The following NPAS3 variants were observed in gnomAD, a reference collection of about 807,000 sequenced individuals.
NPAS3 encodes the protein neuronal PAS domain-containing protein 3.
In NPAS3, 14 loss-of-function variants were observed where a neutral mutation model predicts 73.1. The ratio of observed to expected loss-of-function variants is 0.19; its 90% CI spans 0.13 to 0.30. The LOEUF is 0.30. NPAS3 is among the 10% of genes least tolerant of loss of function. The pLI, the probability that NPAS3 is intolerant of heterozygous loss-of-function variation, is 1.00. For missense variants in NPAS3, 1,096 were observed against 1,250.0 expected, an observed-to-expected ratio of 0.88 and a Z score of 1.86; for synonymous variants, 620 against 541.5, an observed-to-expected ratio of 1.14 and a Z score of -2.01.
At chr14:33,293,409 G>A (rs1225139816) in intron 3 of NPAS3, among the ~76,000 whole-genome samples, 3 of 152,258 alleles carry the variant, frequency 2.0e-5, no homozygotes, top group Non-Finnish European at 4.4e-5. Flanking sequence ...AGGATAAAAA[G>A]TGTTGATAGA....
intron 4 of NPAS3, among the ~76,000 whole-genome samples, chr14:33,528,026 A>G (rs1252194585): frequency 1.3e-5 from 2 of 152,202 alleles, no homozygotes; most frequent in East Asian, 3.9e-4. Flanking sequence ...TAAACCATAT[A>G]TTAATTTCTG....
intron 3 of NPAS3, among the ~76,000 whole-genome samples, chr14:33,301,334 T>TA (rs1594638089): frequency 1.3e-5 from 1 of 75,100 alleles, no homozygotes. Context: ...TTTTTTTTTT[T>TA]AAATCTAGCT....
intron 3 of NPAS3, among the ~76,000 whole-genome samples, chr14:33,306,451 T>C (rs1020383664): frequency 6.6e-6 from 1 of 152,220 alleles, no homozygotes; most frequent in African/African-American, 2.4e-5. Context: ...AAAATCATAT[T>C]TCTGATAGTC....
At chr14:33,036,679 T>C (rs1309480844) in intron 1 of NPAS3, among the ~76,000 whole-genome samples, 1 of 152,164 alleles carries the variant, frequency 6.6e-6, no homozygotes, top group African/African-American at 2.4e-5. Context: ...TTAGTCGTCA[T>C]ATAGTATGGA....
chr14:33,181,352 A>G (rs545686921), intron 2 of NPAS3, among the ~76,000 whole-genome samples: 1 of 152,180 alleles, frequency 6.6e-6, no homozygotes, highest in Non-Finnish European at 1.5e-5. Context: ...TTGTGCACTA[A>G]AAGAAGAAAG....
intron 6 of NPAS3, among the ~76,000 whole-genome samples, chr14:33,703,092 G>C (rs1049384078): frequency 6.6e-6 from 1 of 152,176 alleles, no homozygotes; most frequent in African/African-American, 2.4e-5. Flanking sequence ...GAGGTGGGGT[G>C]GGGGAAGAGG....
intron 2 of NPAS3, among the ~76,000 whole-genome samples, chr14:33,117,652 C>T (rs2139012899): frequency 6.6e-6 from 1 of 152,194 alleles, no homozygotes; most frequent in Non-Finnish European, 1.5e-5. Flanking sequence ...TGTAAAAGGC[C>T]ATACATTTCT....
At chr14:33,497,677 C>T (rs558069598) in intron 4 of NPAS3, among the ~76,000 whole-genome samples, 11 of 152,124 alleles carry the variant, frequency 7.2e-5, no homozygotes, top group Non-Finnish European at 1.5e-4. Context: ...CCCTTCCTTA[C>T]ACTTTATACA....
chr14:33,305,976 G>A (rs2042738749), intron 3 of NPAS3, among the ~76,000 whole-genome samples: 1 of 152,168 alleles, frequency 6.6e-6, no homozygotes. Context: ...TAGGAGTAGG[G>A]TAGGAAAGTG....
At chr14:33,446,054 C>T (rs990103029) in intron 4 of NPAS3, among the ~76,000 whole-genome samples, 4 of 151,164 alleles carry the variant, frequency 2.6e-5, no homozygotes, top group Admixed American at 2.6e-4. Context: ...AGCTTCAATT[C>T]TCTAATCTTC....
intron 2 of NPAS3, among the ~76,000 whole-genome samples, chr14:33,148,265 C>T (rs2044318837): frequency 6.6e-6 from 1 of 152,116 alleles, no homozygotes; most frequent in Admixed American, 6.5e-5. Context: ...TATCTCATTT[C>T]TGTTGCTTAG....
At chr14:33,657,875 G>GA (rs891020956) in intron 5 of NPAS3, among the ~76,000 whole-genome samples, 1 of 152,204 alleles carries the variant, frequency 6.6e-6, no homozygotes, top group Non-Finnish European at 1.5e-5. Context: ...CTAGGTGAGG[G>GA]ATGTCAAATT....
At chr14:33,307,548 T>G (rs1038631706) in intron 3 of NPAS3, among the ~76,000 whole-genome samples, 14 of 146,746 alleles carry the variant, frequency 9.5e-5, no homozygotes, top group Non-Finnish European at 1.8e-4. Context: ...CCTAAAACTC[T>G]TCCTGCCAAC....
chr14:33,468,701 A>G (rs538595174), intron 4 of NPAS3, among the ~76,000 whole-genome samples: 24 of 152,298 alleles, frequency 1.6e-4, no homozygotes, highest in Non-Finnish European at 3.2e-4. Flanking sequence ...CCTTATTACA[A>G]GAGTGGTCAT....
At chr14:33,607,003 C>A (rs2057589665) in intron 5 of NPAS3, among the ~76,000 whole-genome samples, 1 of 152,148 alleles carries the variant, frequency 6.6e-6, no homozygotes, top group South Asian at 2.1e-4. Context: ...TAGGGAAATG[C>A]AGATTAAAAC....
intron 4 of NPAS3, among the ~76,000 whole-genome samples, chr14:33,549,300 C>T (rs2054996998): frequency 6.6e-6 from 1 of 152,118 alleles, no homozygotes; most frequent in South Asian, 2.1e-4. Context: ...GGCACAATCT[C>T]GGCTCACTGC....
intron 3 of NPAS3, among the ~76,000 whole-genome samples, chr14:33,308,208 C>G (rs1385498266): frequency 6.6e-6 from 1 of 152,024 alleles, no homozygotes; most frequent in East Asian, 1.9e-4. Context: ...CAGGGAAATC[C>G]TTTTCAACAA....
At chr14:33,281,797 T>C (rs541189591) in intron 3 of NPAS3, among the ~76,000 whole-genome samples, 2 of 152,164 alleles carry the variant, frequency 1.3e-5, no homozygotes, top group Non-Finnish European at 2.9e-5. Context: ...TTAAAACTTC[T>C]CTGGCTTGAA....
intron 5 of NPAS3, among the ~76,000 whole-genome samples, chr14:33,571,770 A>G (rs1331620950): frequency 2.6e-5 from 4 of 152,248 alleles, no homozygotes; most frequent in African/African-American, 9.6e-5. Flanking sequence ...ATATTTTGAA[A>G]TTAGTTTCCC....
Sources: allele counts gnomAD v4.1 joint callset (sites outside exome capture counted in the v4.1 genomes callset), GRCh38; gene constraint gnomAD v4.1.1; transcripts MANE v1.5; gene names NCBI Gene and HGNC (gene_info 2026-07-23, HGNC 2026-07-21).